The following SLC25A53 variants were observed in gnomAD, a reference collection of about 807,000 sequenced individuals.
SLC25A53 encodes the protein mitochondrial carrier triple repeat protein 6.
In SLC25A53, 5 loss-of-function variants were observed where a neutral mutation model predicts 15.0. The observed-to-expected ratio is 0.33, with a 90% CI of 0.17 to 0.70. The LOEUF is 0.70. Ranked by LOEUF, SLC25A53 falls within the 30% of genes least tolerant of loss-of-function variation. The pLI is 0.67. For missense variants in SLC25A53, 216 were observed against 241.6 expected (o/e 0.89, Z 0.70); for synonymous variants, 95 against 100.0 (o/e 0.95, Z 0.30).
Position 104,122,632 on chromosome X carries a change from ACTT to A in SLC25A53, c.-31-17347_-31-17345del, listed in dbSNP as rs781820370. ...TATAGGGATACAACAGCCCTCAATG[ACTT>A]CTTGAGGAAAAAGAAGATAATCACA... On this transcript the variant is annotated intron_variant, in intron 1 of 1. Coordinates refer to ENST00000594199, the MANE Select transcript of SLC25A53 (RefSeq NM_001012755.5). Among the ~76,000 whole-genome samples the A allele has an allele frequency of 1.9e-4, 21 of 111,595 alleles. No homozygotes were observed. In the East Asian group the frequency reaches 5.4e-3, roughly 28 times the overall value.
intron 1 of SLC25A53, among the ~76,000 whole-genome samples, chrX:104,136,102 C>A (rs782687715): frequency 9.0e-6 from 1 of 111,354 alleles, no homozygotes; most frequent in Non-Finnish European, 1.9e-5. Flanking sequence ...GCTCACAACT[C>A]ACATATCAAA....
chrX:104,154,913 T>C (rs782807053), intron 1 of SLC25A53, among the ~76,000 whole-genome samples: 31 of 112,227 alleles, frequency 2.8e-4, no homozygotes, highest in African/African-American at 9.4e-4. Flanking sequence ...TAAAAAAAGA[T>C]AAAATTTTAG....
intron 1 of SLC25A53, 28 bp from the exon 2 acceptor site, chrX:104,105,316 G>C: frequency 1.0e-6 from 1 of 989,812 alleles, no homozygotes; most frequent in African/African-American, 1.9e-5. Flanking sequence ...AAAGAGATTA[G>C]ACTGACCAAT....
intron 1 of SLC25A53, among the ~76,000 whole-genome samples, chrX:104,125,297 G>A (rs2075407720): frequency 9.0e-6 from 1 of 111,388 alleles, no homozygotes; most frequent in Admixed American, 9.6e-5. Context: ...GTCATAGCAG[G>A]TACGTGGTTC....
chrX:104,109,788 G>A (rs1209498077), intron 1 of SLC25A53, among the ~76,000 whole-genome samples: 1 of 112,277 alleles, frequency 8.9e-6, no homozygotes, highest in Admixed American at 9.4e-5. Flanking sequence ...CAACAGGGTT[G>A]ATAAGAAGCT....
At chrX:104,139,973 T>C (rs1021194110) in intron 1 of SLC25A53, among the ~76,000 whole-genome samples, 53 of 113,107 alleles carry the variant, frequency 4.7e-4, no homozygotes, top group African/African-American at 1.5e-3. Flanking sequence ...AGGTAGATAT[T>C]CCCATTTTAC....
At chrX:104,155,031 T>C (rs2075496242) in intron 1 of SLC25A53, among the ~76,000 whole-genome samples, 2 of 112,145 alleles carry the variant, frequency 1.8e-5, no homozygotes, top group Admixed American at 9.4e-5. Flanking sequence ...ACAATAAAAT[T>C]ATACAAATAT....
At chrX:104,131,097 G>A (rs977866253) in intron 1 of SLC25A53, 7 of 111,639 alleles carry the variant, frequency 6.3e-5, no homozygotes, top group Non-Finnish European at 9.4e-5. Context: ...TCCGTCATAT[G>A]TGTGGCGCAT....
At chrX:104,120,861 A>C (rs185786132) in intron 1 of SLC25A53, among the ~76,000 whole-genome samples, 109 of 112,081 alleles carry the variant, frequency 9.7e-4, no homozygotes, top group Admixed American at 7.3e-3. Context: ...ATTTACCATA[A>C]GTTTTTAAAA....
intron 1 of SLC25A53, among the ~76,000 whole-genome samples, chrX:104,131,791 CAATATATATCG>C (rs1419370814): frequency 2.7e-5 from 3 of 111,475 alleles, no homozygotes; most frequent in Non-Finnish European, 3.8e-5. Flanking sequence ...GGTGATTCCT[CAATATATATCG>C]CCATCCCAGA....
chrX:104,145,350 G>A (rs889838208), intron 1 of SLC25A53, among the ~76,000 whole-genome samples: 8 of 112,067 alleles, frequency 7.1e-5, no homozygotes, highest in Non-Finnish European at 1.5e-4. Context: ...ATGCCCACAA[G>A]AGAAAGCAGG....
chrX:104,126,984 G>A (rs1317683886), intron 1 of SLC25A53, among the ~76,000 whole-genome samples: 1 of 112,353 alleles, frequency 8.9e-6, no homozygotes, highest in African/African-American at 3.2e-5. Context: ...ATATGACCCT[G>A]CAAGTGCATT....
chrX:104,132,389 C>T (rs1169818120), intron 1 of SLC25A53, among the ~76,000 whole-genome samples: 1 of 111,775 alleles, frequency 8.9e-6, no homozygotes, highest in African/African-American at 3.3e-5. Context: ...CCTGAACATG[C>T]CGTCCTGAAA....
chrX:104,126,870 T>C (rs11092476), intron 1 of SLC25A53, among the ~76,000 whole-genome samples: 18,088 of 111,460 alleles, frequency 0.16, 1,237 homozygotes, highest in Non-Finnish European at 0.23. Context: ...TTCACAAGGA[T>C]GTAGAAAAAA....
At chrX:104,113,363 G>A (rs1337661481) in intron 1 of SLC25A53, 7 of 110,945 alleles carry the variant, frequency 6.3e-5, no homozygotes, top group African/African-American at 2.0e-4. Flanking sequence ...CAGTGGAGGC[G>A]GTGGAGGGGA....
chrX:104,131,366 G>A (rs1175518387), intron 1 of SLC25A53: 2 of 111,698 alleles, frequency 1.8e-5, no homozygotes, highest in East Asian at 2.8e-4. Context: ...GGACTACACA[G>A]AGGTACAGTT....
chrX:104,121,749 T>C (rs2075393190), intron 1 of SLC25A53, among the ~76,000 whole-genome samples: 2 of 106,661 alleles, frequency 1.9e-5, no homozygotes, highest in Non-Finnish European at 3.9e-5. Flanking sequence ...AGAAAATGAA[T>C]GATGAATCCC....
Position 104,104,138 on chromosome X carries a change from G to A in SLC25A53, c.*196C>T, listed in dbSNP as rs1179060318. ...AAACTGTGGAGAGACTGGGGTGAACGTTTCTTTTTGACTAAGGAATACTTT... is the reference window on the plus strand; with the variant it reads ...AAACTGTGGAGAGACTGGGGTGAACATTTCTTTTTGACTAAGGAATACTTT... On this transcript the variant is annotated 3_prime_UTR_variant, in exon 2 of 2. Transcript: ENST00000594199. 8 of 420,037 alleles carry A rather than the reference G, an allele frequency of 1.9e-5. No individual in the cohort carries two copies. The highest frequency in any genetic ancestry group is 3.3e-5 in the Non-Finnish European group (8 of 242,612). 34.6% of individuals were successfully genotyped at this position (420,037 alleles called of 1,213,427 possible). A position where few individuals can be genotyped will look rare whatever the true frequency, so the allele number is the denominator to read the frequency against.
chrX:104,143,436 A>G (rs2075456874), intron 1 of SLC25A53, among the ~76,000 whole-genome samples: 1 of 112,249 alleles, frequency 8.9e-6, no homozygotes, highest in African/African-American at 3.2e-5. Context: ...AAAACACAGT[A>G]TGAGAACTTC....
Sources: gnomAD v4.1 joint callset for allele counts (sites outside exome capture counted in the v4.1 genomes callset) on GRCh38, gnomAD v4.1.1 for gene constraint, MANE v1.5 for transcripts, NCBI Gene and HGNC (gene_info 2026-07-23, HGNC 2026-07-21) for gene names.